DHRSX: variants seen among roughly 807,000 people sequenced by gnomAD.
DHRSX encodes the protein dehydrogenase/reductase X-linked.
A neutral mutation model predicts 34.0 loss-of-function variants in DHRSX; 31 were observed. The ratio of observed to expected loss-of-function variants is 0.91; its 90% CI spans 0.69 to 1.23. The LOEUF (loss-of-function observed/expected upper bound fraction) is 1.23, where lower values mean the gene tolerates loss of function less well. DHRSX is among the 50% of genes most tolerant of loss of function. The pLI, the probability that DHRSX is intolerant of heterozygous loss-of-function variation, is 0.00. For synonymous variants in DHRSX, 201 were observed against 183.8 expected (o/e 1.09, Z -0.76); for missense variants, 414 against 428.1 (o/e 0.97, Z 0.29).
At chrX:2,396,375 C>CTT (rs1204243041) in intron 3 of DHRSX, among the ~76,000 whole-genome samples, 8,915 of 98,852 alleles carry the variant, frequency 0.09, 938 homozygotes, top group Non-Finnish European at 0.11. Context: ...CTTTCTTTTT[C>CTT]TTTTTTTTTT....
intron 3 of DHRSX, among the ~76,000 whole-genome samples, chrX:2,336,095 C>T (rs1202903260): frequency 6.6e-6 from 1 of 151,776 alleles, no homozygotes; most frequent in Non-Finnish European, 1.5e-5. Flanking sequence ...GCAACCTCCG[C>T]CTCTCAATTT....
At chrX:2,490,971 C>T (rs763304705) in intron 1 of DHRSX, among the ~76,000 whole-genome samples, 1 of 152,034 alleles carries the variant, frequency 6.6e-6, no homozygotes, top group South Asian at 2.1e-4. Context: ...CTTTCTTCCA[C>T]GTTAATCCGA....
intron 5 of DHRSX, among the ~76,000 whole-genome samples, chrX:2,245,700 G>GTAATC (rs1271220954): frequency 1.4e-5 from 2 of 144,704 alleles, no homozygotes; most frequent in Non-Finnish European, 3.0e-5. Flanking sequence ...GCTCATGCCT[G>GTAATC]TAATCTCAGC....
chrX:2,450,615 T>C (rs748999578), intron 1 of DHRSX, among the ~76,000 whole-genome samples: 1 of 152,194 alleles, frequency 6.6e-6, no homozygotes, highest in South Asian at 2.1e-4. Flanking sequence ...ACCTATATTT[T>C]ACCGTGACCA....
chrX:2,262,224 C>T (rs1321589277), intron 5 of DHRSX, among the ~76,000 whole-genome samples: 6 of 152,214 alleles, frequency 3.9e-5, no homozygotes, highest in Non-Finnish European at 2.9e-5. Flanking sequence ...CCTACACAAT[C>T]CTGCAGTGAG....
intron 3 of DHRSX, among the ~76,000 whole-genome samples, chrX:2,378,556 G>A (rs1360749915): frequency 1.3e-5 from 2 of 151,968 alleles, no homozygotes; most frequent in African/African-American, 4.8e-5. Context: ...TTTTCTTAAG[G>A]AAAATCACAG....
chrX:2,479,100 C>A, intron 1 of DHRSX, among the ~76,000 whole-genome samples: 1 of 151,632 alleles, frequency 6.6e-6, no homozygotes, highest in East Asian at 1.9e-4. Context: ...GGCTAAGGGA[C>A]CACAGCCATG....
chrX:2,355,766 A>C (rs1284606172), intron 3 of DHRSX, among the ~76,000 whole-genome samples: 1 of 152,020 alleles, frequency 6.6e-6, no homozygotes, highest in Admixed American at 6.6e-5. Flanking sequence ...GAAGATCAAA[A>C]TCAAGAATGA....
intron 1 of DHRSX, among the ~76,000 whole-genome samples, chrX:2,486,008 G>C (rs1366401583): frequency 1.3e-5 from 2 of 151,850 alleles, no homozygotes; most frequent in East Asian, 1.9e-4. Flanking sequence ...CCATGTGAGA[G>C]GAGGTGAGGA....
At chrX:2,481,128 T>C (rs1339217579) in intron 1 of DHRSX, among the ~76,000 whole-genome samples, 1 of 152,232 alleles carries the variant, frequency 6.6e-6, no homozygotes, top group Non-Finnish European at 1.5e-5. Flanking sequence ...GATTTAATCA[T>C]TGCACAATGT....
At chrX:2,272,039 A>C (rs1281576851) in intron 4 of DHRSX, among the ~76,000 whole-genome samples, 1 of 151,856 alleles carries the variant, frequency 6.6e-6, no homozygotes, top group African/African-American at 2.4e-5. Context: ...AGACAAAACG[A>C]AACAAAAAAA....
intron 3 of DHRSX, among the ~76,000 whole-genome samples, chrX:2,373,728 G>A (rs1385601255): frequency 2.0e-5 from 3 of 151,924 alleles, no homozygotes; most frequent in African/African-American, 4.8e-5. Flanking sequence ...CGTACCTGAC[G>A]CGGTGTGGAC....
chrX:2,405,447 T>G (rs28553279), intron 3 of DHRSX, among the ~76,000 whole-genome samples: 2 of 151,116 alleles, frequency 1.3e-5, no homozygotes, highest in Non-Finnish European at 3.0e-5. Context: ...GAGATCACAT[T>G]GCTGCACTCC....
chrX:2,266,706 G>A, intron 5 of DHRSX, 34 bp downstream of exon 5: 1 of 1,602,294 alleles, frequency 6.2e-7, no homozygotes, highest in South Asian at 1.1e-5. Flanking sequence ...ACCCACCTGA[G>A]ATGCTGTTAT....
intron 5 of DHRSX, among the ~76,000 whole-genome samples, chrX:2,256,356 C>CA (rs2041279000): frequency 1.4e-5 from 2 of 143,990 alleles, no homozygotes; most frequent in Admixed American, 7.0e-5. Flanking sequence ...AGTGCAGTAG[C>CA]ATGATCTTGG....
At chrX:2,467,360 A>G (rs1164812146) in intron 1 of DHRSX, among the ~76,000 whole-genome samples, 2 of 152,120 alleles carry the variant, frequency 1.3e-5, no homozygotes, top group Non-Finnish European at 2.9e-5. Flanking sequence ...CGTGGCAGTT[A>G]GCTCTAGTCA....
intron 1 of DHRSX, chrX:2,489,571 G>A (rs1355684147): frequency 6.2e-7 from 1 of 1,612,580 alleles, no homozygotes; most frequent in Non-Finnish European, 8.5e-7. Context: ...CCAGCATGAG[G>A]TGGTGGTTGT....
rs187132456 is a variant in DHRSX at position 2,302,391 on chromosome X, C to A, written c.287-10788G>T. On this transcript the variant is annotated intron_variant, in intron 3 of 6. Transcript: ENST00000334651. ...CTTTGGGAGGCCAAAGCGGGCGGATCGCTTGAGGTCAGGAGCTCAAGACCA... is the reference window on the plus strand; with the variant it reads ...CTTTGGGAGGCCAAAGCGGGCGGATAGCTTGAGGTCAGGAGCTCAAGACCA... Among the ~76,000 whole-genome samples, 38 of 152,224 alleles carry A rather than the reference C, an allele frequency of 2.5e-4. No individual in the cohort carries two copies. In the East Asian group the frequency reaches 7.1e-3, roughly 29 times the overall value.
intron 6 of DHRSX, among the ~76,000 whole-genome samples, 200 bp downstream of exon 6, chrX:2,242,823 G>A (rs188941180): frequency 6.6e-6 from 1 of 151,996 alleles, no homozygotes; most frequent in Non-Finnish European, 1.5e-5. Flanking sequence ...AGCGGCCGCC[G>A]GGGATGCTTT....
Sources: allele counts gnomAD v4.1 joint callset (sites outside exome capture counted in the v4.1 genomes callset), GRCh38; gene constraint gnomAD v4.1.1; transcripts MANE v1.5; gene names NCBI Gene and HGNC (gene_info 2026-07-23, HGNC 2026-07-21).